The following HINT1 variants were observed in gnomAD, a reference collection of about 807,000 sequenced individuals.
HINT1 encodes histidine triad nucleotide binding protein 1.
A neutral mutation model predicts 11.2 loss-of-function variants in HINT1; 12 were observed. That is an observed-to-expected ratio of 1.07 (90% CI 0.69 to 1.74). The LOEUF is 1.74. HINT1 is among the 40% of genes most tolerant of loss of function. The probability of loss-of-function intolerance (pLI) is 0.00; values close to 1 mark genes in which losing one functional copy is unlikely to be tolerated. For missense variants in HINT1, 150 were observed against 161.8 expected (o/e 0.93, Z 0.40); for synonymous variants, 42 against 52.6 (o/e 0.80, Z 0.87).
At chr5:131,165,060 CT>C in intron 1 of HINT1, 34 bp downstream of exon 1, 2 of 1,613,106 alleles carry the variant, frequency 1.2e-6, no homozygotes, top group Non-Finnish European at 1.7e-6. Flanking sequence ...CGATACCCAC[CT>C]CAGCAGGCGA....
At chr5:131,160,888 T>C (rs983609902) in intron 2 of HINT1, 1 of 454,468 alleles carries the variant, frequency 2.2e-6, no homozygotes, top group Non-Finnish European at 4.4e-6. Flanking sequence ...TGCCCAACTG[T>C]AGGTTAACGT....
At chr5:131,162,728 G>A in intron 1 of HINT1, 52 bp from the exon 2 acceptor site, 1 of 1,213,490 alleles carries the variant, frequency 8.2e-7, no homozygotes, top group Middle Eastern at 2.8e-4. Flanking sequence ...ATATTGGTAG[G>A]ATAAAACTTA....
At chr5:131,163,216 A>C (rs1238557684) in intron 1 of HINT1, among the ~76,000 whole-genome samples, 3 of 152,246 alleles carry the variant, frequency 2.0e-5, no homozygotes, top group Non-Finnish European at 4.4e-5. Flanking sequence ...AAAAATATGA[A>C]TGATCATTAC....
intron 2 of HINT1, chr5:131,160,668 G>T: frequency 8.3e-7 from 1 of 1,199,234 alleles, no homozygotes; most frequent in Non-Finnish European, 1.1e-6. Context: ...TACTCATGCA[G>T]TAAGGTCCAT....
chr5:131,165,246 GA>G lies in HINT1; in HGVS notation c.-42del. 1.3e-6 allele frequency: 2 copies of G among 1,591,754 alleles called. No homozygotes were observed. The highest frequency in any genetic ancestry group is 1.1e-5 in the South Asian group (1 of 90,608). ...GCGCGGCGGCCAGAGGAGAGGCTCG[GA>G]AGAAGGGAGGAACCCGCAGAGCGTG... is the stretch of plus-strand genomic sequence containing the variant. On this transcript the variant is annotated 5_prime_UTR_variant, in exon 1 of 3. Coordinates refer to ENST00000304043, the MANE Select transcript of HINT1 (RefSeq NM_005340.7).
At chr5:131,160,727 T>G (rs114258883) in intron 2 of HINT1, 44 of 1,192,726 alleles carry the variant, frequency 3.7e-5, no homozygotes, top group Non-Finnish European at 4.6e-5. Flanking sequence ...AAATTATGAT[T>G]TTTCAACTTT....
chr5:131,162,100 C>A (rs910730920), intron 2 of HINT1: 2 of 313,680 alleles, frequency 6.4e-6, no homozygotes, highest in South Asian at 6.4e-5. Flanking sequence ...CCGAGGCGGG[C>A]GGATCACGAG....
chr5:131,163,100 G>T (rs1156698052), intron 1 of HINT1, among the ~76,000 whole-genome samples: 1 of 152,178 alleles, frequency 6.6e-6, no homozygotes, highest in Non-Finnish European at 1.5e-5. Flanking sequence ...GCCTCCCAGA[G>T]TGCTGGGATT....
chr5:131,162,259 C>T (rs1755271152), intron 2 of HINT1: 2 of 605,434 alleles, frequency 3.3e-6, no homozygotes, highest in African/African-American at 3.8e-5. Context: ...GGAGGTGGAG[C>T]TTGCAGTGAG....
intron 1 of HINT1, among the ~76,000 whole-genome samples, chr5:131,164,381 G>A (rs55881951): frequency 6.6e-6 from 1 of 152,234 alleles, no homozygotes; most frequent in South Asian, 2.1e-4. Context: ...GAATCATTCA[G>A]CTGTTTGTAA....
At chr5:131,162,262 G>A in intron 2 of HINT1, 1 of 609,032 alleles carries the variant, frequency 1.6e-6, no homozygotes, top group Non-Finnish European at 2.9e-6. Flanking sequence ...GGTGGAGCTT[G>A]CAGTGAGCCG....
chr5:131,160,870 G>C, intron 2 of HINT1: 1 of 457,606 alleles, frequency 2.2e-6, no homozygotes. Context: ...CTCTGTATTA[G>C]ATGATTTTGC....
At chr5:131,162,436 T>C (rs928325489) in intron 2 of HINT1, 136 bp downstream of exon 2, 11 of 1,535,678 alleles carry the variant, frequency 7.2e-6, no homozygotes, top group African/African-American at 1.4e-5. Flanking sequence ...AGCTGGGCAG[T>C]TGAAGTCCTA....
intron 2 of HINT1, chr5:131,162,183 C>A (rs570388222): frequency 5.8e-6 from 3 of 515,900 alleles, no homozygotes; most frequent in Non-Finnish European, 1.0e-5. Flanking sequence ...AATTAGCCAG[C>A]CTTGGTGGCG....
At chr5:131,160,598 G>C (rs758870389) in intron 2 of HINT1, 70 of 484,586 alleles carry the variant, frequency 1.4e-4, no homozygotes, top group Non-Finnish European at 1.9e-4. Flanking sequence ...AAGGGAGAGA[G>C]TCTTACATTT....
chr5:131,160,856 T>C, intron 2 of HINT1: 4 of 459,232 alleles, frequency 8.7e-6, no homozygotes, highest in Non-Finnish European at 1.7e-5. Flanking sequence ...TGTTACAGAA[T>C]AGGCTCTGTA....
chr5:131,162,257 A>C, intron 2 of HINT1: 1 of 604,978 alleles, frequency 1.7e-6, no homozygotes, highest in Non-Finnish European at 2.9e-6. Context: ...AGGGAGGTGG[A>C]GCTTGCAGTG....
At position 131,165,145 on chromosome 5, in the gene HINT1, T is replaced by C. The variant is rs1755366589; in HGVS notation, c.61A>G (p.Lys21Glu). ...ARPGGDTIFG[K>E]IIRKEIPAKI... ...GCTGGTATTTCCTTGCGGATGATCT[T>C]CCCAAAGATCGTGTCGCCACCAGGC... Residue 21 changes from lysine (K) to glutamate (E), a missense_variant, in exon 1 of 3, where the codon AAG (lysine) becomes GAG (glutamate). By Grantham distance (56) the Lys-to-Glu change is moderately conservative (BLOSUM62 1). Transcript: ENST00000304043. 6.2e-7 allele frequency: 1 copy of C among 1,612,642 alleles called. No individual in the cohort carries two copies. The highest frequency in any genetic ancestry group is 1.7e-5 in the Admixed American group (1 of 60,008).
At chr5:131,162,367 A>C in intron 2 of HINT1, 1 of 985,440 alleles carries the variant, frequency 1.0e-6, no homozygotes, top group Non-Finnish European at 1.6e-6. Flanking sequence ...GATACGGAGA[A>C]GCTGGAACGC....
Sources: gnomAD v4.1 joint callset for allele counts (sites outside exome capture counted in the v4.1 genomes callset) on GRCh38, gnomAD v4.1.1 for gene constraint, MANE v1.5 for transcripts, NCBI Gene and HGNC (gene_info 2026-07-23, HGNC 2026-07-21) for gene names.